The following ANXA11 variants were observed in gnomAD, a reference collection of about 807,000 sequenced individuals.
The protein encoded by ANXA11 is 56 kDa autoantigen.
Under a neutral mutation model 64.7 loss-of-function variants are expected in ANXA11, and 57 were observed. The ratio of observed to expected loss-of-function variants is 0.88; its 90% CI spans 0.71 to 1.10. The LOEUF (loss-of-function observed/expected upper bound fraction) is 1.10. ANXA11 is among the 50% of genes least tolerant of loss of function. The pLI is 0.00. For missense variants in ANXA11, 675 were observed against 670.7 expected (o/e 1.01, Z -0.07); for synonymous variants, 260 against 265.2 (o/e 0.98, Z 0.19).
chr10:80,204,199 G>A (rs1168919010), intron 1 of ANXA11, among the ~76,000 whole-genome samples: 1 of 152,250 alleles, frequency 6.6e-6, no homozygotes, highest in East Asian at 1.9e-4. Context: ...GAAGTAGTGG[G>A]CACCCAATGC....
At chr10:80,161,510 C>G (rs1039516553) in intron 12 of ANXA11, among the ~76,000 whole-genome samples, 4 of 152,368 alleles carry the variant, frequency 2.6e-5, no homozygotes, top group East Asian at 1.9e-4. Context: ...GCCCTGCCCC[C>G]CACCGTGGCC....
chr10:80,181,184 C>T (rs1174304126), intron 1 of ANXA11: 3 of 152,262 alleles, frequency 2.0e-5, no homozygotes, highest in East Asian at 3.8e-4. Context: ...GGCACAGTGG[C>T]CCATGCCTAT....
chr10:80,166,061 C>T (rs1168403670), intron 8 of ANXA11, 23 bp downstream of exon 8: 2 of 1,339,934 alleles, frequency 1.5e-6, no homozygotes, highest in Non-Finnish European at 2.1e-6. Flanking sequence ...CACACACACA[C>T]ACACACACAC....
intron 1 of ANXA11, among the ~76,000 whole-genome samples, chr10:80,203,740 T>G (rs1488545036): frequency 6.6e-6 from 1 of 152,204 alleles, no homozygotes; most frequent in Non-Finnish European, 1.5e-5. Flanking sequence ...CCGTCCCTCC[T>G]GCTGGGAGCA....
At chr10:80,164,911 T>C (rs1044672109) in intron 8 of ANXA11, among the ~76,000 whole-genome samples, 3 of 152,218 alleles carry the variant, frequency 2.0e-5, no homozygotes, top group African/African-American at 4.8e-5. Context: ...ACAGCTACTA[T>C]TGGGTTACTA....
chr10:80,168,914 C>T (rs1763103657), intron 5 of ANXA11, 55 bp downstream of exon 5: 2 of 1,453,158 alleles, frequency 1.4e-6, no homozygotes, highest in Admixed American at 6.0e-5. Flanking sequence ...AGCCATGTGT[C>T]TCCAGCCTTT....
rs1158784729 is a variant in ANXA11 at position 80,152,615 on chromosome 10, G to A, written c.*3238C>T. The A allele has an allele frequency of 6.6e-6, 1 of 152,308 alleles. No individual in the cohort carries two copies. Among genetic ancestry groups the A allele is most frequent in the Non-Finnish European group, 1.5e-5 (1 of 68,098 alleles). The allele number at this position is 152,308 out of a possible 1,614,324, so 9.4% of individuals were successfully genotyped here. ...AGAAAACCTGGCGGGCCATAGGCAG[G>A]TAAAATGTAGTTTTATTCAGCAGCT... On this transcript the variant is annotated 3_prime_UTR_variant, in exon 16 of 16. Transcript: ENST00000422982.
chr10:80,155,629 G>A lies in ANXA11; in HGVS notation c.*224C>T. ...AATGAAACATCTATTTTAGCAGCAA[G>A]AGGCTGTGAGGGATGGGGTAGAAAA... On this transcript the variant is annotated 3_prime_UTR_variant, in exon 16 of 16. Coordinates refer to ENST00000422982, the MANE Select transcript of ANXA11 (RefSeq NM_145868.2). 2 of 515,156 alleles carry A rather than the reference G, an allele frequency of 3.9e-6. No homozygotes were observed. Among genetic ancestry groups the A allele is most frequent in the Non-Finnish European group, 6.9e-6 (2 of 291,834 alleles). 31.9% of individuals were successfully genotyped at this position (515,156 alleles called of 1,614,324 possible). A position where few individuals can be genotyped will look rare whatever the true frequency, so the allele number is the denominator to read the frequency against.
At chr10:80,167,096 C>A (rs1348490956) in intron 6 of ANXA11, 112 bp from the exon 7 acceptor site, 3 of 1,258,630 alleles carry the variant, frequency 2.4e-6, no homozygotes, top group Non-Finnish European at 3.4e-6. Flanking sequence ...GCCATACCCC[C>A]ACATCCACCT....
At chr10:80,178,558 C>A (rs1423476480) in intron 1 of ANXA11, among the ~76,000 whole-genome samples, 1 of 152,254 alleles carries the variant, frequency 6.6e-6, no homozygotes, top group African/African-American at 2.4e-5. Context: ...CGACCATCCA[C>A]CTGCAGCTGT....
rs897319281 is a variant in ANXA11 at position 80,154,648 on chromosome 10, T to A, written c.*1205A>T. The A allele has an allele frequency of 6.6e-6, 1 of 152,310 alleles. No individual in the cohort carries two copies. Among genetic ancestry groups the A allele is most frequent in the Non-Finnish European group, 1.5e-5 (1 of 68,098 alleles). 9.4% of individuals were successfully genotyped at this position (152,310 alleles called of 1,614,324 possible). ...ACCATAATTCTCAGAAACTCTCTTA[T>A]GGATTCTCTTCCCTCACACCACCAA... On this transcript the variant is annotated 3_prime_UTR_variant, in exon 16 of 16. Transcript: ENST00000422982.
intron 1 of ANXA11, among the ~76,000 whole-genome samples, chr10:80,188,574 G>A (rs1246363157): frequency 1.4e-5 from 2 of 147,404 alleles, no homozygotes; most frequent in African/African-American, 5.0e-5. Flanking sequence ...TCCCTAGGAG[G>A]CATTAGCCTG....
chr10:80,186,412 T>C (rs1435204954), intron 1 of ANXA11, among the ~76,000 whole-genome samples: 3 of 151,968 alleles, frequency 2.0e-5, no homozygotes, highest in East Asian at 1.9e-4. Flanking sequence ...AGCCTCCCAA[T>C]AGAGAAAGCA....
intron 3 of ANXA11, among the ~76,000 whole-genome samples, chr10:80,172,382 C>G (rs1367762025): frequency 6.6e-6 from 1 of 152,150 alleles, no homozygotes; most frequent in Non-Finnish European, 1.5e-5. Flanking sequence ...TGGTAAGGGG[C>G]AACCATCACC....
chr10:80,163,665 G>T, intron 9 of ANXA11, 52 bp from the exon 10 acceptor site: 1 of 1,469,704 alleles, frequency 6.8e-7, no homozygotes. Flanking sequence ...TTATGGAGCT[G>T]CCCATTGCAA....
At chr10:80,183,606 A>G (rs1846433944) in intron 1 of ANXA11, among the ~76,000 whole-genome samples, 1 of 152,198 alleles carries the variant, frequency 6.6e-6, no homozygotes, top group Non-Finnish European at 1.5e-5. Flanking sequence ...GCTGACGACA[A>G]AACCTGACAT....
chr10:80,187,307 G>A (rs965506500), intron 1 of ANXA11, among the ~76,000 whole-genome samples: 2 of 152,216 alleles, frequency 1.3e-5, no homozygotes, highest in Non-Finnish European at 2.9e-5. Context: ...ATCCCAGAGG[G>A]CCCAACCCTT....
At chr10:80,196,210 G>C (rs1840156428) in intron 1 of ANXA11, among the ~76,000 whole-genome samples, 1 of 152,184 alleles carries the variant, frequency 6.6e-6, no homozygotes, top group African/African-American at 2.4e-5. Flanking sequence ...TTATAAGCAA[G>C]GGAACGAAGG....
At chr10:80,158,979 G>A (rs753572112) in intron 13 of ANXA11, 121 bp downstream of exon 13, 23 of 743,050 alleles carry the variant, frequency 3.1e-5, no homozygotes, top group Non-Finnish European at 4.7e-5. Flanking sequence ...TGGGCTGAGC[G>A]ATCTTGGATC....
Sources: gnomAD v4.1 joint callset for allele counts (sites outside exome capture counted in the v4.1 genomes callset) on GRCh38, gnomAD v4.1.1 for gene constraint, MANE v1.5 for transcripts, NCBI Gene and HGNC (gene_info 2026-07-23, HGNC 2026-07-21) for gene names.